The following PDE4B variants were observed in gnomAD, a reference collection of about 807,000 sequenced individuals.
The protein encoded by PDE4B is phosphodiesterase 4B, also known as 3',5'-cyclic-AMP phosphodiesterase 4B.
Under a neutral mutation model 82.2 loss-of-function variants are expected in PDE4B, and 20 were observed. That is an observed-to-expected ratio of 0.24 (90% CI 0.17 to 0.35). The LOEUF (loss-of-function observed/expected upper bound fraction) is 0.35, where lower values mean the gene tolerates loss of function less well. Ranked by LOEUF, PDE4B falls within the 10% of genes least tolerant of loss-of-function variation. The probability of loss-of-function intolerance (pLI) is 1.00; values close to 1 mark genes in which losing one functional copy is unlikely to be tolerated. For synonymous variants in PDE4B, 320 were observed against 318.9 expected (o/e 1.00, Z -0.04); for missense variants, 655 against 907.2 (o/e 0.72, Z 3.57).
At chr1:66,034,940 G>C (rs1324864395) in intron 3 of PDE4B, among the ~76,000 whole-genome samples, 1 of 152,100 alleles carries the variant, frequency 6.6e-6, no homozygotes, top group Non-Finnish European at 1.5e-5. Context: ...ATGGGGGACT[G>C]TTTAAACTTT....
intron 1 of PDE4B, among the ~76,000 whole-genome samples, chr1:65,900,034 A>T (rs563314032): frequency 8.5e-5 from 13 of 152,090 alleles, no homozygotes; most frequent in Admixed American, 7.2e-4. Context: ...GTATGGAAAT[A>T]AAAAAATAAA....
chr1:65,858,185 A>T (rs908861709), intron 1 of PDE4B, among the ~76,000 whole-genome samples: 18 of 152,202 alleles, frequency 1.2e-4, no homozygotes, highest in African/African-American at 4.1e-4. Context: ...AGGGCAACTC[A>T]TTGTAGTCCC....
At chr1:66,369,043 G>T in intron 16 of PDE4B, 74 bp downstream of exon 16, 1 of 1,147,502 alleles carries the variant, frequency 8.7e-7, no homozygotes, top group Non-Finnish European at 1.2e-6. Flanking sequence ...ATTTAATTCC[G>T]TTTTTCCAAT....
intron 3 of PDE4B, among the ~76,000 whole-genome samples, chr1:66,228,880 T>C (rs2101626181): frequency 6.6e-6 from 1 of 152,194 alleles, no homozygotes; most frequent in Middle Eastern, 3.4e-3. Flanking sequence ...AGATAAAGAG[T>C]TCTCCTATGT....
At chr1:66,291,545 G>A (rs1557682515) in intron 7 of PDE4B, among the ~76,000 whole-genome samples, 1 of 152,114 alleles carries the variant, frequency 6.6e-6, no homozygotes, top group Non-Finnish European at 1.5e-5. Flanking sequence ...CACTAATTGT[G>A]GGGGAATTAT....
chr1:66,176,759 T>C (rs1335562944), intron 3 of PDE4B, among the ~76,000 whole-genome samples: 1 of 152,268 alleles, frequency 6.6e-6, no homozygotes, highest in African/African-American at 2.4e-5. Flanking sequence ...TATTCAGACT[T>C]TGTTGTGGAT....
At chr1:66,356,424 A>G (rs2102008622) in intron 9 of PDE4B, among the ~76,000 whole-genome samples, 1 of 152,380 alleles carries the variant, frequency 6.6e-6, no homozygotes, top group Non-Finnish European at 1.5e-5. Flanking sequence ...GAAGTCCTAC[A>G]GAATCTGCAA....
intron 7 of PDE4B, chr1:66,267,589 T>C (rs1373636738): frequency 1.3e-5 from 2 of 152,256 alleles, no homozygotes; most frequent in African/African-American, 4.8e-5. Flanking sequence ...TTTGTGATTA[T>C]TGGCACAGCA....
intron 3 of PDE4B, among the ~76,000 whole-genome samples, chr1:66,064,308 A>G (rs1378485801): frequency 3.9e-5 from 6 of 151,940 alleles, no homozygotes; most frequent in Admixed American, 3.3e-4. Context: ...CTAGGTCTGA[A>G]AAAGTAAAGG....
At chr1:65,913,472 C>A in intron 2 of PDE4B, 116 bp downstream of exon 2, 1 of 956,090 alleles carries the variant, frequency 1.0e-6, no homozygotes, top group Non-Finnish European at 1.7e-6. Context: ...CTAGGTGTTT[C>A]TATGACATGG....
chr1:65,829,767 G>C (rs980078751), intron 1 of PDE4B, among the ~76,000 whole-genome samples: 11 of 152,116 alleles, frequency 7.2e-5, no homozygotes, highest in Admixed American at 7.2e-4. Flanking sequence ...AAAGCATCTG[G>C]TACAGATAAC....
chr1:66,284,962 G>A (rs1350089383), intron 7 of PDE4B, among the ~76,000 whole-genome samples: 3 of 152,162 alleles, frequency 2.0e-5, no homozygotes, highest in Non-Finnish European at 4.4e-5. Context: ...ATTCAGGCTT[G>A]GAATCAGAAA....
At chr1:65,906,750 T>G (rs987952188) in intron 1 of PDE4B, among the ~76,000 whole-genome samples, 1 of 152,160 alleles carries the variant, frequency 6.6e-6, no homozygotes, top group Non-Finnish European at 1.5e-5. Context: ...TGATTTCAAA[T>G]GCATGCCCTA....
At chr1:66,332,769 G>C (rs575259426) in intron 8 of PDE4B, 149 bp downstream of exon 8, 1 of 678,330 alleles carries the variant, frequency 1.5e-6, no homozygotes, top group Non-Finnish European at 2.4e-6. Context: ...CTTCCAAAGT[G>C]TCACACTCTA....
intron 3 of PDE4B, among the ~76,000 whole-genome samples, chr1:66,215,361 C>T (rs1557639567): frequency 6.6e-6 from 1 of 152,068 alleles, no homozygotes. Context: ...ATAAGAGAAC[C>T]AGCAGTAACA....
At chr1:66,129,809 T>G (rs903561591) in intron 3 of PDE4B, among the ~76,000 whole-genome samples, 1 of 152,152 alleles carries the variant, frequency 6.6e-6, no homozygotes, top group Non-Finnish European at 1.5e-5. Context: ...CTTTAAAATA[T>G]GGGAACTATT....
At chr1:65,967,628 A>G (rs1333025480) in intron 3 of PDE4B, among the ~76,000 whole-genome samples, 7 of 152,222 alleles carry the variant, frequency 4.6e-5, no homozygotes, top group Admixed American at 4.6e-4. Flanking sequence ...CCAAATGCCC[A>G]TCAGTGATAG....
intron 3 of PDE4B, among the ~76,000 whole-genome samples, chr1:66,218,956 G>A (rs1017313246): frequency 8.6e-5 from 13 of 151,972 alleles, no homozygotes; most frequent in African/African-American, 2.9e-4. Flanking sequence ...TGTTCTCATC[G>A]CATTTACTAA....
chr1:66,016,789 A>G (rs949398154), intron 3 of PDE4B, among the ~76,000 whole-genome samples: 1 of 152,236 alleles, frequency 6.6e-6, no homozygotes, highest in African/African-American at 2.4e-5. Context: ...AGAGTTGAGC[A>G]CTTATAACCA....
Sources: gnomAD v4.1 joint callset for allele counts (sites outside exome capture counted in the v4.1 genomes callset) on GRCh38, gnomAD v4.1.1 for gene constraint, MANE v1.5 for transcripts, NCBI Gene and HGNC (gene_info 2026-07-23, HGNC 2026-07-21) for gene names.